FUT8: variants seen among roughly 807,000 people sequenced by gnomAD.
The protein encoded by FUT8 is alpha-(1,6)-fucosyltransferase.
FUT8 carries 29 observed loss-of-function variants against 71.3 expected under a neutral mutation model. That is an observed-to-expected ratio of 0.41 (90% confidence interval 0.30 to 0.55). The LOEUF is 0.55. FUT8 is among the 20% of genes least tolerant of loss of function. The pLI is 0.34. For missense variants in FUT8, 544 were observed against 702.1 expected (o/e 0.77, Z 2.55); for synonymous variants, 254 against 239.3 (o/e 1.06, Z -0.57).
rs74058556 is a variant in FUT8 at position 65,678,418 on chromosome 14, C to T, written c.835+8938C>T. On this transcript the variant is annotated intron_variant, in intron 7 of 10. Transcript: ENST00000673929. ...TAAACATCAAAAATATGCTCCTAATCAAGGAGCTGACCAGTTTCTCTTAGT... is the reference window on the plus strand; with the variant it reads ...TAAACATCAAAAATATGCTCCTAATTAAGGAGCTGACCAGTTTCTCTTAGT... Among the ~76,000 whole-genome samples, 1,189 of 152,316 alleles carry T rather than the reference C, an allele frequency of 7.8e-3. 9 individuals are homozygous for T. The highest frequency in any genetic ancestry group is 0.024 in the African/African-American group (986 of 41,568).
At chr14:65,393,432 G>A in the FUT8 span, among the ~76,000 whole-genome samples, 2 of 152,218 alleles carry the variant, frequency 1.3e-5, no homozygotes, top group Non-Finnish European at 2.9e-5. Context: ...TGTGGAGTCA[G>A]GCTGAGGGAG....
At chr14:65,673,341 C>A (rs1486399667) in intron 7 of FUT8, among the ~76,000 whole-genome samples, 2 of 152,092 alleles carry the variant, frequency 1.3e-5, no homozygotes, top group African/African-American at 4.8e-5. Flanking sequence ...TGCTAGATAC[C>A]TATGCTGTAC....
At chr14:65,596,451 G>T (rs1887984600) in intron 3 of FUT8, among the ~76,000 whole-genome samples, 1 of 152,024 alleles carries the variant, frequency 6.6e-6, no homozygotes, top group Non-Finnish European at 1.5e-5. Flanking sequence ...TTCATTTATA[G>T]CAGTTATCCA....
intron 7 of FUT8, among the ~76,000 whole-genome samples, chr14:65,674,654 C>T (rs578149753): frequency 6.6e-6 from 1 of 152,330 alleles, no homozygotes; most frequent in Admixed American, 6.5e-5. Context: ...TTCTGGGCCA[C>T]TCATAGAGTC....
At chr14:65,582,421 A>T (rs1018276269) in intron 3 of FUT8, among the ~76,000 whole-genome samples, 1 of 152,122 alleles carries the variant, frequency 6.6e-6, no homozygotes, top group Non-Finnish European at 1.5e-5. Context: ...TGCATCCTAA[A>T]CTTAAGCCTT....
intron 3 of FUT8, among the ~76,000 whole-genome samples, chr14:65,597,286 G>A (rs138836256): frequency 1.0e-3 from 155 of 152,162 alleles, no homozygotes; most frequent in East Asian, 7.7e-4. Flanking sequence ...TTTAAAAGGC[G>A]CTGATTTGAA....
At position 65,743,024 on chromosome 14, in the gene FUT8, A is replaced by C. The variant is rs1896582336; in HGVS notation, c.*614A>C. The stretch of plus-strand genomic sequence containing the variant: ...ATTAATAAGTGAAGAATACATCAGA[A>C]AATAAAATATTCACTCTCCATTAGA... On this transcript the variant is annotated 3_prime_UTR_variant, in exon 11 of 11. Coordinates refer to ENST00000673929, the MANE Select transcript of FUT8 (RefSeq NM_001371533.1). The C allele has an allele frequency of 6.6e-6, 1 of 152,122 alleles. No individual in the cohort carries two copies. Among genetic ancestry groups the C allele is most frequent in the South Asian group, 2.1e-4 (1 of 4,822 alleles). 9.4% of individuals were successfully genotyped at this position (152,122 alleles called of 1,614,324 possible).
At chr14:65,720,292 C>T (rs1012406217) in intron 7 of FUT8, among the ~76,000 whole-genome samples, 1 of 152,062 alleles carries the variant, frequency 6.6e-6, no homozygotes. Context: ...TTCATGTTCA[C>T]TTAAGGCCCA....
At chr14:65,698,411 AT>A (rs1894104774) in intron 7 of FUT8, among the ~76,000 whole-genome samples, 1 of 152,236 alleles carries the variant, frequency 6.6e-6, no homozygotes, top group Non-Finnish European at 1.5e-5. Flanking sequence ...GGTAGTATAT[AT>A]TTATGAAATA....
chr14:65,410,382 TG>T (rs2065109699), upstream of FUT8, among the ~76,000 whole-genome samples: 1 of 152,184 alleles, frequency 6.6e-6, no homozygotes, highest in Admixed American at 6.5e-5. Context: ...GAGCCTGCCT[TG>T]GAAAGGGTTT....
intron 2 of FUT8, among the ~76,000 whole-genome samples, chr14:65,486,377 G>A (rs1269269866): frequency 6.6e-6 from 1 of 152,230 alleles, no homozygotes; most frequent in African/African-American, 2.4e-5. Flanking sequence ...GCATTGTGAT[G>A]AAATCTGTTA....
chr14:65,550,767 A>T lies in FUT8; in HGVS notation c.-227-10570A>T, dbSNP rs891865137. Among the ~76,000 whole-genome samples, 3 of 152,130 alleles carry T rather than the reference A, an allele frequency of 2.0e-5. No individual in the cohort carries two copies. Among genetic ancestry groups the T allele is most frequent in the African/African-American group, 4.8e-5 (2 of 41,426 alleles). On this transcript the variant is annotated intron_variant, in intron 2 of 10. Transcript: ENST00000673929. This position sits in a 1 kb window ranked among gnomAD's most constrained non-coding sequence, Gnocchi z 4.5. ...TTTTCTGGATCTGTTTAAATGGACTAATTTTCTCCTGGTTATGGGTTACAT... is the reference window on the plus strand; with the variant it reads ...TTTTCTGGATCTGTTTAAATGGACTTATTTTCTCCTGGTTATGGGTTACAT...
intron 2 of FUT8, among the ~76,000 whole-genome samples, chr14:65,494,021 C>T (rs978565188): frequency 6.6e-6 from 1 of 152,096 alleles, no homozygotes; most frequent in African/African-American, 2.4e-5. Context: ...GTAATGACTA[C>T]ATTTTATAAT....
Position 65,686,760 on chromosome 14 carries a change from A to T in FUT8, c.835+17280A>T, listed in dbSNP as rs1363846545. 5.3e-5 allele frequency among the ~76,000 whole-genome samples: 8 copies of T among 152,310 alleles called. No homozygotes were observed. The Middle Eastern group carries it at 0.01, about 194-fold the overall frequency. ...AATTTTATGTATCTGTTTACCATGA[A>T]AGAGAACTTAAGAGAAGCTGTATTT... On this transcript the variant is annotated intron_variant, in intron 7 of 10. Transcript: ENST00000673929.
intron 1 of FUT8, among the ~76,000 whole-genome samples, chr14:65,454,323 G>A (rs1023471531): frequency 2.0e-5 from 3 of 152,054 alleles, no homozygotes; most frequent in Non-Finnish European, 4.4e-5. Flanking sequence ...ATGAGATAAT[G>A]TAAATAATAA....
chr14:65,725,049 G>A (rs561427131), intron 9 of FUT8, among the ~76,000 whole-genome samples: 1 of 152,248 alleles, frequency 6.6e-6, no homozygotes, highest in Non-Finnish European at 1.5e-5. Context: ...GGTGCTTATC[G>A]TTTTGATTTC....
chr14:65,424,539 C>CTTTTTTTTTTTTTTTTTTT (rs796843891), intron 1 of FUT8, among the ~76,000 whole-genome samples: 18 of 125,430 alleles, frequency 1.4e-4, no homozygotes, highest in African/African-American at 3.6e-4. Flanking sequence ...CTTTTCTTTT[C>CTTTTTTTTTTTTTTTTTTT]TTTTTTTTTT....
chr14:65,725,710 A>C (rs188876745), intron 9 of FUT8, among the ~76,000 whole-genome samples: 10 of 152,344 alleles, frequency 6.6e-5, no homozygotes, highest in Admixed American at 2.6e-4. Flanking sequence ...AATGCCCAGT[A>C]AATATTAAAT....
intron 7 of FUT8, among the ~76,000 whole-genome samples, chr14:65,680,960 G>A (rs1893007403): frequency 6.6e-6 from 1 of 152,154 alleles, no homozygotes; most frequent in South Asian, 2.1e-4. Context: ...TGAAAGTTTT[G>A]TGTACTTTTA....
Sources: gnomAD v4.1 joint callset for allele counts (sites outside exome capture counted in the v4.1 genomes callset) on GRCh38, gnomAD v4.1.1 for gene constraint, Gnocchi (gnomAD v3.1) non-coding constraint, MANE v1.5 for transcripts, NCBI Gene and HGNC (gene_info 2026-07-23, HGNC 2026-07-21) for gene names.